Variants in TEDC1 observed in about 807,000 individuals in gnomAD.
TEDC1 encodes the protein tubulin epsilon and delta complex protein 1.
Under a neutral mutation model 59.9 loss-of-function variants are expected in TEDC1, and 54 were observed. The observed-to-expected ratio is 0.90, with a 90% CI of 0.72 to 1.13. The LOEUF (loss-of-function observed/expected upper bound fraction) is 1.13, where lower values mean the gene tolerates loss of function less well. TEDC1 is among the 50% of genes most tolerant of loss of function. TEDC1 has a pLI of 0.00. For missense variants in TEDC1, 734 were observed against 683.4 expected, an observed-to-expected ratio of 1.07 and a Z score of -0.83; for synonymous variants, 353 against 298.1, an observed-to-expected ratio of 1.18 and a Z score of -1.90.
Position 105,499,176 on chromosome 14 carries a change from T to G in TEDC1, c.*230T>G. 1 of 586,258 alleles carries G rather than the reference T, an allele frequency of 1.7e-6. No homozygotes were observed. The highest frequency in any genetic ancestry group is 3.0e-6 in the Non-Finnish European group (1 of 331,634). The allele number at this position is 586,258 out of a possible 1,614,324, so 36.3% of individuals were successfully genotyped here. A position where few individuals can be genotyped will look rare whatever the true frequency, so the allele number is the denominator to read the frequency against. On this transcript the variant is annotated 3_prime_UTR_variant, in exon 9 of 9. Transcript: ENST00000392523. ...GTCCCTTGAGGAGGTCGTGACAGGC[T>G]CAGCCTGGTGGTCTGGAGGGGACTC...
rs1555440676 is a variant in TEDC1 at position 105,497,461 on chromosome 14, T to A, written c.978+18T>A. The A allele has an allele frequency of 5.8e-6, 9 of 1,541,254 alleles. No homozygotes were observed. The South Asian group carries it at 1.1e-4, about 18-fold the overall frequency. ...GGTGGATGGTGAGGAAGCCCGCGCA[T>A]CCCTCTCCCGGCATCCCTTCCCACA... On this transcript the variant is annotated intron_variant, in intron 7 of 8. Transcript: ENST00000392523.
rs34156999 is a variant in TEDC1 at position 105,498,861 on chromosome 14, G to A, written c.1403G>A (p.Arg468Gln). The stretch of plus-strand genomic sequence containing the variant: ...GCCTGCCTGGAGGCGGTGCTACGTC[G>A]ACTACAGGGACAGTGTCGGCAGGAA... ...QEACLEAVLR[R>Q]LQGQCRQELA... Residue 468 changes from arginine to glutamine, a missense_variant, in exon 9 of 9, where the codon CGA becomes CAA. Transcript: ENST00000392523. 2.0e-4 allele frequency: 328 copies of A among 1,611,974 alleles called. No individual in the cohort carries two copies. In the African/African-American group the frequency reaches 3.7e-3, roughly 18 times the overall value.
At chr14:105,492,855 C>T in intron 4 of TEDC1, 121 bp downstream of exon 4, 2 of 1,346,514 alleles carry the variant, frequency 1.5e-6, no homozygotes, top group South Asian at 1.4e-5. Context: ...TGTGGGCCTT[C>T]CTGCCCTGGC....
rs1232477561 is a variant in TEDC1 at position 105,491,370 on chromosome 14, G to A, written c.-6G>A. The A allele has an allele frequency of 2.1e-6, 3 of 1,429,806 alleles. No individual in the cohort carries two copies. Among genetic ancestry groups the A allele is most frequent in the East Asian group, 2.6e-5 (1 of 38,032 alleles). The allele number at this position is 1,429,806 out of a possible 1,614,324, so 88.6% of individuals were successfully genotyped here. On this transcript the variant is annotated 5_prime_UTR_variant, in exon 1 of 9. Coordinates refer to ENST00000392523, the MANE Select transcript of TEDC1 (RefSeq NM_001367178.1). ...GGGCGATCCGAAAGAGGCTGGTGCT[G>A]GCTGCATGGGGAGGCGGCGGCAGCG...
intron 8 of TEDC1, among the ~76,000 whole-genome samples, chr14:105,498,239 C>T (rs1555440919): frequency 6.6e-6 from 1 of 152,154 alleles, no homozygotes; most frequent in Non-Finnish European, 1.5e-5. Context: ...TGTGTGGGCC[C>T]TGCTGCTCCC....
Position 105,491,342 on chromosome 14 carries a change from G to A in TEDC1, c.-34G>A, listed in dbSNP as rs2084201369. The A allele has an allele frequency of 6.8e-7, 1 of 1,462,188 alleles. No homozygotes were observed. Among genetic ancestry groups the A allele is most frequent in the Non-Finnish European group, 9.0e-7 (1 of 1,111,932 alleles). 90.6% of individuals were successfully genotyped at this position (1,462,188 alleles called of 1,614,324 possible). A position where few individuals can be genotyped will look rare whatever the true frequency, so the allele number is the denominator to read the frequency against. ...GACGCAGGCCCCGGGCCGCGGCGGAGGCGGGCGATCCGAAAGAGGCTGGTG... is the reference window on the plus strand; with the variant it reads ...GACGCAGGCCCCGGGCCGCGGCGGAAGCGGGCGATCCGAAAGAGGCTGGTG... On this transcript the variant is annotated 5_prime_UTR_variant, in exon 1 of 9. Coordinates refer to ENST00000392523, the MANE Select transcript of TEDC1 (RefSeq NM_001367178.1).
chr14:105,497,388 G>A lies in TEDC1; in HGVS notation c.923G>A (p.Arg308His), dbSNP rs868961496. 49 of 1,552,778 alleles carry A rather than the reference G, an allele frequency of 3.2e-5. No individual in the cohort carries two copies. The highest frequency in any genetic ancestry group is 3.9e-5 in the Admixed American group (2 of 51,318). Residue 308 changes from arginine (R) to histidine (H), a missense_variant, in exon 7 of 9, where the codon CGC becomes CAC. Arg to His is a conservative substitution (Grantham distance 29). Coordinates refer to ENST00000392523, the MANE Select transcript of TEDC1 (RefSeq NM_001367178.1). ...CGGACTCTGGAGCGTGAGAACCAGC[G>A]CCTGGAGGCTGTCCTGGCGTGGCGG... ...LLRTLERENQ[R>H]LEAVLAWRRS...
At chr14:105,497,268 G>A in intron 6 of TEDC1, 89 bp from the exon 7 acceptor site, 2 of 1,302,384 alleles carry the variant, frequency 1.5e-6, no homozygotes, top group South Asian at 1.3e-5. Flanking sequence ...CGTTGGGCCG[G>A]GTGTCGGCGC....
At chr14:105,492,391 C>G in intron 3 of TEDC1, 82 bp downstream of exon 3, 1 of 1,555,762 alleles carries the variant, frequency 6.4e-7, no homozygotes, top group Non-Finnish European at 8.7e-7. Flanking sequence ...GGTCAGCCCC[C>G]TCTGTCTGCT....
At chr14:105,493,802 C>A in intron 4 of TEDC1, 33 bp from the exon 5 acceptor site, 1 of 1,520,536 alleles carries the variant, frequency 6.6e-7, no homozygotes, top group South Asian at 1.1e-5. Flanking sequence ...GCTTGACTGC[C>A]ACTCAGCCTG....
rs1170981419 is a variant in TEDC1, at chr14:105,499,238, TC to T, written c.*297del. On this transcript the variant is annotated 3_prime_UTR_variant, in exon 9 of 9. Coordinates refer to ENST00000392523, the MANE Select transcript of TEDC1 (RefSeq NM_001367178.1). Reference sequence around the variant, plus strand: ...GTAGCAGCTTTCCTGCCGCTGGCCCTCCCCCTGCCACCCTGTCGGGTTTCCC... The same window carrying T: ...GTAGCAGCTTTCCTGCCGCTGGCCCTCCCCTGCCACCCTGTCGGGTTTCCC... 6 of 491,812 alleles carry T rather than the reference TC, an allele frequency of 1.2e-5. No homozygotes were observed. Among genetic ancestry groups the T allele is most frequent in the Admixed American group, 7.3e-5 (2 of 27,492 alleles). 30.5% of individuals were successfully genotyped at this position (491,812 alleles called of 1,614,324 possible).
chr14:105,491,868 A>G (rs1183944599), intron 2 of TEDC1, among the ~76,000 whole-genome samples, 168 bp downstream of exon 2: 1 of 151,626 alleles, frequency 6.6e-6, no homozygotes, highest in Admixed American at 6.6e-5. Flanking sequence ...ACGCCCCCTG[A>G]TGGGCCCTAG....
chr14:105,494,241 C>T (rs1277634124), intron 5 of TEDC1: 1 of 455,828 alleles, frequency 2.2e-6, no homozygotes, highest in Non-Finnish European at 4.1e-6. Flanking sequence ...AATAAAGGAA[C>T]ACAGATCTCA....
Position 105,497,978 on chromosome 14 carries a change from G to GT in TEDC1, c.1158+2dup. 6.6e-7 allele frequency: 1 copy of GT among 1,524,036 alleles called. No homozygotes were observed. The highest frequency in any genetic ancestry group is 1.2e-5 in the South Asian group (1 of 82,540). 94.4% of individuals were successfully genotyped at this position (1,524,036 alleles called of 1,614,324 possible). A position where few individuals can be genotyped will look rare whatever the true frequency, so the allele number is the denominator to read the frequency against. On this transcript the variant is annotated splice_donor_variant, in intron 8 of 8. Transcript: ENST00000392523. LOFTEE classifies it high-confidence loss of function. ...CAGGCGGGCGGCCTGGGAGGCCAAG[G>GT]TGAGTGCCAGCCTCGCTCTGGGCAC...
chr14:105,496,264 G>T, intron 6 of TEDC1, 178 bp downstream of exon 6: 1 of 659,290 alleles, frequency 1.5e-6, no homozygotes, highest in Non-Finnish European at 2.5e-6. Context: ...CCGTACCCAT[G>T]GTGGAGGCCT....
At chr14:105,491,101 G>A (rs1219710740), upstream of TEDC1, 9 of 1,551,376 alleles carry the variant, frequency 5.8e-6, no homozygotes, top group Non-Finnish European at 7.8e-6. Flanking sequence ...GTGATTGGAT[G>A]CATGTCCGGC....
rs1370435706 is a variant in TEDC1 at position 105,494,068 on chromosome 14, C to T, written c.684+135C>T. On this transcript the variant is annotated intron_variant, in intron 5 of 8. Transcript: ENST00000392523. ...GCGGTGGGTGTCTCTGCATGTCTGCCACTGATCATTGCCAGCCTGGGTGAC... is the reference window on the plus strand; with the variant it reads ...GCGGTGGGTGTCTCTGCATGTCTGCTACTGATCATTGCCAGCCTGGGTGAC... 5 of 702,328 alleles carry T rather than the reference C, an allele frequency of 7.1e-6. 1 individual carries two copies. Among genetic ancestry groups the T allele is most frequent in the South Asian group, 3.5e-5 (2 of 57,712 alleles). 43.5% of individuals were successfully genotyped at this position (702,328 alleles called of 1,614,324 possible).
chr14:105,497,531 A>T, intron 7 of TEDC1, 88 bp downstream of exon 7: 1 of 1,457,598 alleles, frequency 6.9e-7, no homozygotes. Flanking sequence ...TTTTCCAGAC[A>T]GGAAGAGGGG....
At chr14:105,492,003 GC>G in intron 2 of TEDC1, 103 bp from the exon 3 acceptor site, 3 of 1,197,670 alleles carry the variant, frequency 2.5e-6, no homozygotes, top group Non-Finnish European at 1.2e-6. Context: ...TCTGAACTAG[GC>G]CTTGAGCTTC....
Sources: allele counts gnomAD v4.1 joint callset (sites outside exome capture counted in the v4.1 genomes callset), GRCh38; gene constraint gnomAD v4.1.1; transcripts MANE v1.5; gene names NCBI Gene and HGNC (gene_info 2026-07-23, HGNC 2026-07-21).